The following ARB2A variants were observed in gnomAD, a reference collection of about 807,000 sequenced individuals.
ARB2A encodes the protein ARB2 cotranscriptional regulator A.
At chr5:93,718,839 T>C in the ARB2A span, among the ~76,000 whole-genome samples, 1 of 152,238 alleles carries the variant, frequency 6.6e-6, no homozygotes, top group African/African-American at 2.4e-5. Flanking sequence ...CTAGCTTTTT[T>C]CTCATCTCTC....
the ARB2A span, among the ~76,000 whole-genome samples, chr5:94,030,611 T>A: frequency 6.6e-6 from 1 of 152,240 alleles, no homozygotes; most frequent in South Asian, 2.1e-4. Flanking sequence ...GCTTAAGTGA[T>A]GCGCTGGGTC....
chr5:93,739,311 A>G, the ARB2A span: 2 of 152,164 alleles, frequency 1.3e-5, no homozygotes, highest in Non-Finnish European at 2.9e-5. Context: ...AATGAAAGAA[A>G]CCAGAAGAAA....
the ARB2A span, among the ~76,000 whole-genome samples, chr5:93,919,462 A>G: frequency 6.6e-6 from 1 of 152,176 alleles, no homozygotes; most frequent in Non-Finnish European, 1.5e-5. Flanking sequence ...GTGGTAATAT[A>G]AGTTTTATTT....
chr5:93,944,458 C>T, the ARB2A span, among the ~76,000 whole-genome samples: 1 of 151,910 alleles, frequency 6.6e-6, no homozygotes, highest in South Asian at 2.1e-4. Context: ...TAAAAGTGTG[C>T]CTATACTCTC....
At chr5:94,071,216 G>A in the ARB2A span, among the ~76,000 whole-genome samples, 2,168 of 152,046 alleles carry the variant, frequency 0.014, 55 homozygotes, top group African/African-American at 0.049. Context: ...GCAATGAAAC[G>A]AAACCTACTA....
At chr5:93,768,813 G>A in the ARB2A span, among the ~76,000 whole-genome samples, 1 of 151,886 alleles carries the variant, frequency 6.6e-6, no homozygotes, top group Non-Finnish European at 1.5e-5. Context: ...CAAACTCCTG[G>A]CCTCAAATGA....
the ARB2A span, among the ~76,000 whole-genome samples, chr5:93,946,011 T>C: frequency 6.6e-6 from 1 of 152,290 alleles, no homozygotes; most frequent in East Asian, 1.9e-4. Context: ...CAATAAAAAG[T>C]ATTTTCTACC....
the ARB2A span, among the ~76,000 whole-genome samples, chr5:93,945,020 G>A: frequency 5.3e-5 from 8 of 152,032 alleles, no homozygotes; most frequent in African/African-American, 1.9e-4. Context: ...AGGGGCTTTA[G>A]TTGTAAGTTC....
the ARB2A span, among the ~76,000 whole-genome samples, chr5:93,708,947 A>C: frequency 5.9e-5 from 9 of 152,162 alleles, no homozygotes; most frequent in African/African-American, 1.2e-4. Context: ...GATCTAATGT[A>C]CACTATGGTG....
At chr5:93,659,451 A>G in the ARB2A span, among the ~76,000 whole-genome samples, 1 of 152,158 alleles carries the variant, frequency 6.6e-6, no homozygotes, top group Admixed American at 6.6e-5. Context: ...ATACCATAAT[A>G]CAGTGTCTTC....
the ARB2A span, among the ~76,000 whole-genome samples, chr5:93,763,143 G>A: frequency 1.3e-5 from 2 of 151,540 alleles, no homozygotes; most frequent in Admixed American, 6.6e-5. Context: ...ATCAACTAAC[G>A]AGCAAAATAA....
the ARB2A span, among the ~76,000 whole-genome samples, chr5:94,048,721 G>T: frequency 8.7e-4 from 132 of 152,284 alleles, 1 homozygote; most frequent in South Asian, 0.026. Flanking sequence ...TCTTCTAAAG[G>T]GGCTATTAGC....
chr5:94,069,113 T>C, the ARB2A span, among the ~76,000 whole-genome samples: 1 of 150,608 alleles, frequency 6.6e-6, no homozygotes, highest in African/African-American at 2.5e-5. Context: ...AATAGCAGTA[T>C]AGAGAACCCA....
chr5:94,043,158 A>G, the ARB2A span, among the ~76,000 whole-genome samples: 43 of 152,220 alleles, frequency 2.8e-4, no homozygotes, highest in East Asian at 7.9e-3. Context: ...AGAGGAAAAA[A>G]AACTTTCAGG....
the ARB2A span, among the ~76,000 whole-genome samples, chr5:94,064,868 T>C: frequency 3.9e-5 from 6 of 152,138 alleles, no homozygotes; most frequent in Admixed American, 3.9e-4. Flanking sequence ...AAAGGGAAGA[T>C]ATCTAGCACC....
At chr5:93,835,899 TC>T in the ARB2A span, among the ~76,000 whole-genome samples, 5 of 152,208 alleles carry the variant, frequency 3.3e-5, no homozygotes, top group African/African-American at 1.2e-4. Flanking sequence ...GTTAAGGCTT[TC>T]CACTGGGAAA....
the ARB2A span, among the ~76,000 whole-genome samples, chr5:93,837,390 G>A: frequency 0.034 from 5,145 of 152,096 alleles, 148 homozygotes; most frequent in East Asian, 0.13. Context: ...TTGATTCCAC[G>A]TCTTTGCTAC....
At chr5:93,803,205 T>A in the ARB2A span, among the ~76,000 whole-genome samples, 717 of 152,174 alleles carry the variant, frequency 4.7e-3, 24 homozygotes, top group Non-Finnish European at 1.1e-3. Context: ...AGCATGCTAC[T>A]GCAGCTGGCA....
the ARB2A span, among the ~76,000 whole-genome samples, chr5:93,854,885 G>A: frequency 4.1e-4 from 62 of 152,200 alleles, no homozygotes; most frequent in African/African-American, 1.4e-3. Flanking sequence ...CAACTATGTG[G>A]TCAATTTTGG....
Sources: allele counts gnomAD v4.1 joint callset (sites outside exome capture counted in the v4.1 genomes callset), GRCh38; gene constraint gnomAD v4.1.1; transcripts MANE v1.5; gene names NCBI Gene and HGNC (gene_info 2026-07-23, HGNC 2026-07-21).